Variants in SH2D1B observed in about 807,000 individuals in gnomAD.
SH2D1B encodes the protein SH2 domain containing 1B.
Under a neutral mutation model 16.3 loss-of-function variants are expected in SH2D1B, and 11 were observed. That is an observed-to-expected ratio of 0.67 (90% CI 0.42 to 1.11). SH2D1B has a LOEUF of 1.11. Among genes scored for constraint, SH2D1B ranks in the 50% most tolerant of loss-of-function variants. The pLI is 0.00. For missense variants in SH2D1B, 123 were observed against 153.1 expected (o/e 0.80, Z 1.04); for synonymous variants, 55 against 56.1 (o/e 0.98, Z 0.09).
chr1:162,404,614 A>G (rs954658770), intron 1 of SH2D1B, among the ~76,000 whole-genome samples: 2 of 152,204 alleles, frequency 1.3e-5, no homozygotes, highest in Non-Finnish European at 2.9e-5. Context: ...AGTTTTTAAA[A>G]ATAAAAAAAG....
rs376806626 is a variant in SH2D1B at position 162,402,722 on chromosome 1, G to T, written c.198+17C>A. On this transcript the variant is annotated intron_variant, in intron 2 of 3. Transcript: ENST00000367929. The stretch of plus-strand genomic sequence containing the variant: ...CAACTTTTGTGTTGTTGTTGTTGTC[G>T]TCCTTTTTGTTCTTACCTGTATCCT... The T allele has an allele frequency of 3.7e-6, 6 of 1,605,540 alleles. No homozygotes were observed. Among genetic ancestry groups the T allele is most frequent in the Non-Finnish European group, 5.1e-6 (6 of 1,172,496 alleles).
intron 1 of SH2D1B, among the ~76,000 whole-genome samples, chr1:162,409,647 C>T (rs757938646): frequency 6.6e-6 from 1 of 152,142 alleles, no homozygotes. Flanking sequence ...GGCGCGATCT[C>T]GGCTCACTGC....
At chr1:162,411,004 G>A (rs1349734738) in intron 1 of SH2D1B, among the ~76,000 whole-genome samples, 12 of 151,542 alleles carry the variant, frequency 7.9e-5, no homozygotes, top group Admixed American at 7.2e-4. Flanking sequence ...TGCCCAGGCT[G>A]GAGTGCAGTG....
intron 1 of SH2D1B, among the ~76,000 whole-genome samples, chr1:162,407,330 T>C (rs1233540413): frequency 6.6e-6 from 1 of 152,124 alleles, no homozygotes; most frequent in African/African-American, 2.4e-5. Context: ...CAGAGTCCAC[T>C]CCCAAGCCCT....
chr1:162,401,485 A>AATATATACACATATATTGTGCATGT (rs1256702345), intron 2 of SH2D1B, among the ~76,000 whole-genome samples: 3 of 152,298 alleles, frequency 2.0e-5, no homozygotes, highest in East Asian at 1.9e-4. Flanking sequence ...TCTCTTTCCA[A>AATATATACACATATATTGTGCATGT]ATATATACAC....
intron 1 of SH2D1B, among the ~76,000 whole-genome samples, chr1:162,411,632 C>T (rs1648797168): frequency 6.6e-6 from 1 of 152,154 alleles, no homozygotes; most frequent in African/African-American, 2.4e-5. Context: ...CAGCCCTTCC[C>T]TTCACCACCA....
intron 1 of SH2D1B, among the ~76,000 whole-genome samples, chr1:162,410,589 T>C (rs1296569196): frequency 2.6e-5 from 4 of 152,134 alleles, no homozygotes; most frequent in African/African-American, 9.7e-5. Context: ...CTTTCTAAAC[T>C]GGGCATAAAC....
At position 162,403,488 on chromosome 1, in the gene SH2D1B, G is replaced by GAAAAAAAAAAAAA. The variant is rs1172751501; in HGVS notation, c.135-699_135-687dup. ...TGGGCGACAGAGCGAGACTCTGTCT[G>GAAAAAAAAAAAAA]AAAAAAAAAAAAAAAAAAAAAAAAT... is the stretch of plus-strand genomic sequence containing the variant. On this transcript the variant is annotated intron_variant, in intron 1 of 3. Transcript: ENST00000367929. Among the ~76,000 whole-genome samples the GAAAAAAAAAAAAA allele has an allele frequency of 6.8e-4, 14 of 20,662 alleles. 1 individual carries two copies. The highest frequency in any genetic ancestry group is 1.2e-3 in the Non-Finnish European group (12 of 9,956). The allele number at this position is 20,662 out of a possible 152,430, so 13.6% of individuals were successfully genotyped here.
intron 1 of SH2D1B, among the ~76,000 whole-genome samples, chr1:162,410,652 T>G (rs916861536): frequency 5.6e-5 from 8 of 141,604 alleles, no homozygotes; most frequent in African/African-American, 8.1e-5. Flanking sequence ...TTGTTTTTCT[T>G]TTTCTTTTTT....
At chr1:162,400,864 G>A (rs567858825) in intron 2 of SH2D1B, among the ~76,000 whole-genome samples, 1 of 152,096 alleles carries the variant, frequency 6.6e-6, no homozygotes, top group Non-Finnish European at 1.5e-5. Flanking sequence ...CAGGAGAATC[G>A]CTTGAACCAG....
chr1:162,402,250 C>T (rs1289440275), intron 2 of SH2D1B, among the ~76,000 whole-genome samples: 1 of 133,152 alleles, frequency 7.5e-6, no homozygotes, highest in Non-Finnish European at 1.7e-5. Flanking sequence ...CGGTGGCTCA[C>T]GCCTGTAATC....
chr1:162,402,820 G>C lies in SH2D1B; in HGVS notation c.135-18C>G, dbSNP rs1336882596. 2 of 1,600,604 alleles carry C rather than the reference G, an allele frequency of 1.2e-6. No individual in the cohort carries two copies. Among genetic ancestry groups the C allele is most frequent in the East Asian group, 4.5e-5 (2 of 44,792 alleles). On this transcript the variant is annotated intron_variant, in intron 1 of 3. Transcript: ENST00000367929. ...TTTTAAACCTGTGGAAAAAATGACT[G>C]TGTGAATCAAAATGTTCTATGCAAA... is the stretch of plus-strand genomic sequence containing the variant.
intron 1 of SH2D1B, among the ~76,000 whole-genome samples, chr1:162,405,246 G>T (rs1283080777): frequency 1.3e-5 from 2 of 152,240 alleles, no homozygotes; most frequent in East Asian, 1.9e-4. Context: ...AAAGCAGTTT[G>T]TGGTGGCCCA....
intron 1 of SH2D1B, among the ~76,000 whole-genome samples, chr1:162,410,856 G>A (rs1019405223): frequency 4.0e-5 from 6 of 151,440 alleles, no homozygotes; most frequent in African/African-American, 7.3e-5. Context: ...GGGTTTCTTC[G>A]TGTTGGTCAG....
chr1:162,405,912 C>T (rs1357350445), intron 1 of SH2D1B, among the ~76,000 whole-genome samples: 1 of 152,188 alleles, frequency 6.6e-6, no homozygotes, highest in Non-Finnish European at 1.5e-5. Flanking sequence ...CAGATTAGCA[C>T]GGTCTCATGT....
intron 1 of SH2D1B, among the ~76,000 whole-genome samples, chr1:162,405,630 G>A (rs1648637375): frequency 6.6e-6 from 1 of 152,186 alleles, no homozygotes; most frequent in Non-Finnish European, 1.5e-5. Context: ...GACTCTCTGT[G>A]TGAGACTGAT....
intron 1 of SH2D1B, among the ~76,000 whole-genome samples, chr1:162,409,465 G>A (rs1244642174): frequency 6.6e-6 from 1 of 152,032 alleles, no homozygotes; most frequent in Non-Finnish European, 1.5e-5. Flanking sequence ...TACATTTTAG[G>A]AACCTTGTAT....
chr1:162,408,607 A>T (rs1267327906), intron 1 of SH2D1B, among the ~76,000 whole-genome samples: 1 of 151,652 alleles, frequency 6.6e-6, no homozygotes, highest in Non-Finnish European at 1.5e-5. Context: ...GTAGAGACAG[A>T]GTTTCACCAT....
Position 162,398,915 on chromosome 1 carries a change from G to C in SH2D1B, c.363+8C>G. On this transcript the variant is annotated splice_region_variant and intron_variant, in intron 3 of 3. Transcript: ENST00000367929. ...ATTGCTTTCTGACCCCCACGTGAGAGATTTTACCACAAATGTTTCCAACTC... is the reference window on the plus strand; with the variant it reads ...ATTGCTTTCTGACCCCCACGTGAGACATTTTACCACAAATGTTTCCAACTC... 1 of 1,608,202 alleles carries C rather than the reference G, an allele frequency of 6.2e-7. No homozygotes were observed. The highest frequency in any genetic ancestry group is 8.5e-7 in the Non-Finnish European group (1 of 1,175,830).
Sources: gnomAD v4.1 joint callset for allele counts (sites outside exome capture counted in the v4.1 genomes callset) on GRCh38, gnomAD v4.1.1 for gene constraint, MANE v1.5 for transcripts, NCBI Gene and HGNC (gene_info 2026-07-23, HGNC 2026-07-21) for gene names.